VEPH1: variants seen among roughly 807,000 people sequenced by gnomAD.
VEPH1 encodes ventricular zone-expressed PH domain-containing protein homolog 1.
VEPH1 carries 80 observed loss-of-function variants against 85.2 expected under a neutral mutation model. The ratio of observed to expected loss-of-function variants is 0.94; its 90% CI spans 0.78 to 1.13. The LOEUF is 1.13. Among genes scored for constraint, VEPH1 ranks in the 50% most tolerant of loss-of-function variants. The pLI is 0.00. For missense variants in VEPH1, 955 were observed against 980.5 expected, an observed-to-expected ratio of 0.97 and a Z score of 0.35; for synonymous variants, 297 against 348.0, an observed-to-expected ratio of 0.85 and a Z score of 1.63.
intron 5 of VEPH1, 140 bp downstream of exon 5, chr3:157,428,182 G>A: frequency 2.5e-6 from 2 of 799,418 alleles, no homozygotes; most frequent in Non-Finnish European, 3.7e-6. Context: ...TACAAACAGA[G>A]TAAGTAGATG....
intron 9 of VEPH1, among the ~76,000 whole-genome samples, chr3:157,338,776 T>C (rs1452925851): frequency 1.3e-5 from 2 of 152,238 alleles, no homozygotes; most frequent in East Asian, 1.9e-4. Flanking sequence ...CACAGAAAGA[T>C]TGTGATTCAG....
At chr3:157,445,969 G>C (rs1417205723) in intron 4 of VEPH1, among the ~76,000 whole-genome samples, 3 of 152,116 alleles carry the variant, frequency 2.0e-5, no homozygotes, top group Non-Finnish European at 4.4e-5. Context: ...GAATATATAG[G>C]TGTTAGCAAA....
chr3:157,274,683 A>G (rs373497063), intron 12 of VEPH1, among the ~76,000 whole-genome samples: 15 of 151,978 alleles, frequency 9.9e-5, no homozygotes, highest in African/African-American at 3.4e-4. Flanking sequence ...TTTTTTTTGT[A>G]GAGATGGGGT....
intron 3 of VEPH1, among the ~76,000 whole-genome samples, chr3:157,469,568 G>A (rs1230812818): frequency 1.3e-5 from 2 of 152,118 alleles, no homozygotes; most frequent in African/African-American, 4.8e-5. Context: ...CCTTTAGTAT[G>A]CCATGAAACA....
At chr3:157,495,527 A>G (rs1285047703) in intron 1 of VEPH1, 21 bp from the exon 2 acceptor site, 1 of 1,415,328 alleles carries the variant, frequency 7.1e-7, no homozygotes, top group East Asian at 2.4e-5. Context: ...AACAAATGAC[A>G]CAATGTAGCC....
chr3:157,453,768 A>G (rs573573285), intron 4 of VEPH1, among the ~76,000 whole-genome samples: 4 of 152,308 alleles, frequency 2.6e-5, no homozygotes, highest in South Asian at 2.1e-4. Context: ...CTGCTTTGCA[A>G]CTTAAAGTTT....
Position 157,369,180 on chromosome 3 carries a change from G to GAAAAAAAAAAAAAAAAAAAAAAAAAAAA in VEPH1, c.1128-4669_1128-4668insTTTTTTTTTTTTTTTTTTTTTTTTTTTT, listed in dbSNP as rs58451868. On this transcript the variant is annotated intron_variant, in intron 7 of 13. Coordinates refer to ENST00000362010, the MANE Select transcript of VEPH1 (RefSeq NM_001167912.2). ...ACAACAACAACAACAAAAACCAAAT[G>GAAAAAAAAAAAAAAAAAAAAAAAAAAAA]AAAAAAAAAAAAAAAAAAAAAAAAC... 2.6e-4 allele frequency among the ~76,000 whole-genome samples: 11 copies of GAAAAAAAAAAAAAAAAAAAAAAAAAAAA among 42,786 alleles called. 3 individuals are homozygous for GAAAAAAAAAAAAAAAAAAAAAAAAAAAA. Among genetic ancestry groups the GAAAAAAAAAAAAAAAAAAAAAAAAAAAA allele is most frequent in the Admixed American group, 4.9e-4 (1 of 2,024 alleles). The allele number at this position is 42,786 out of a possible 152,430, so 28.1% of individuals were successfully genotyped here.
intron 3 of VEPH1, among the ~76,000 whole-genome samples, chr3:157,469,335 G>T (rs1736700676): frequency 6.6e-6 from 1 of 152,156 alleles, no homozygotes; most frequent in Admixed American, 6.5e-5. Context: ...AAAAAAGGAA[G>T]AAGAATAAAG....
intron 11 of VEPH1, among the ~76,000 whole-genome samples, chr3:157,289,381 C>G (rs1225719813): frequency 6.6e-6 from 1 of 152,276 alleles, no homozygotes; most frequent in South Asian, 2.1e-4. Context: ...TACCTTCCTG[C>G]GTTCAATTTC....
chr3:157,468,754 T>C (rs1736630215), intron 3 of VEPH1, among the ~76,000 whole-genome samples: 1 of 152,162 alleles, frequency 6.6e-6, no homozygotes, highest in Non-Finnish European at 1.5e-5. Context: ...TAGAATTTTT[T>C]TCCTTTTTAA....
At chr3:157,447,394 C>T (rs1185877316) in intron 4 of VEPH1, among the ~76,000 whole-genome samples, 4 of 152,112 alleles carry the variant, frequency 2.6e-5, no homozygotes, top group African/African-American at 9.7e-5. Context: ...TATAAATATT[C>T]AGGTTGAATA....
chr3:157,369,191 A>AAAAAAAAAAAAAAAAAAAC (rs1577469463), intron 7 of VEPH1, among the ~76,000 whole-genome samples: 1 of 145,088 alleles, frequency 6.9e-6, no homozygotes, highest in Non-Finnish European at 1.5e-5. Context: ...AAAAAAAAAA[A>AAAAAAAAAAAAAAAAAAAC]AAAAAAAAAA....
intron 3 of VEPH1, among the ~76,000 whole-genome samples, chr3:157,461,989 A>G (rs1577714270): frequency 6.6e-6 from 1 of 150,896 alleles, no homozygotes. Flanking sequence ...AAAGAGTGAA[A>G]GAAGATATCT....
chr3:157,341,801 A>G (rs921127050), intron 9 of VEPH1, among the ~76,000 whole-genome samples: 2 of 152,098 alleles, frequency 1.3e-5, no homozygotes, highest in African/African-American at 4.8e-5. Flanking sequence ...CACAAAGGGA[A>G]GCCCATCAGA....
At chr3:157,349,196 A>G (rs1281156819) in intron 9 of VEPH1, among the ~76,000 whole-genome samples, 1 of 152,260 alleles carries the variant, frequency 6.6e-6, no homozygotes, top group Non-Finnish European at 1.5e-5. Context: ...TGATTAAGTG[A>G]TATTTATTGC....
At chr3:157,483,539 A>G (rs1012276921) in intron 2 of VEPH1, among the ~76,000 whole-genome samples, 8 of 152,164 alleles carry the variant, frequency 5.3e-5, no homozygotes, top group Non-Finnish European at 1.0e-4. Flanking sequence ...TTTTATTTTA[A>G]AAGACCAAGT....
intron 6 of VEPH1, among the ~76,000 whole-genome samples, chr3:157,402,994 C>T (rs909434806): frequency 6.6e-6 from 1 of 152,118 alleles, no homozygotes; most frequent in Non-Finnish European, 1.5e-5. Flanking sequence ...TTCCTAAGCC[C>T]TACTCACTAC....
At chr3:157,498,763 G>A (rs970804350) in intron 1 of VEPH1, among the ~76,000 whole-genome samples, 1 of 152,120 alleles carries the variant, frequency 6.6e-6, no homozygotes, top group Admixed American at 6.5e-5. Flanking sequence ...TTCTCCTGCT[G>A]TTCTTTTTGC....
intron 12 of VEPH1, among the ~76,000 whole-genome samples, chr3:157,272,354 CTCTT>C (rs1222395718): frequency 0.017 from 2,477 of 141,550 alleles, 44 homozygotes; most frequent in Non-Finnish European, 0.027. Flanking sequence ...CTTTTTCTCT[CTCTT>C]TCTTTCTTTC....
Sources: gnomAD v4.1 joint callset for allele counts (sites outside exome capture counted in the v4.1 genomes callset) on GRCh38, gnomAD v4.1.1 for gene constraint, MANE v1.5 for transcripts, NCBI Gene and HGNC (gene_info 2026-07-23, HGNC 2026-07-21) for gene names.